Variants in DNAH9 observed in about 807,000 individuals in gnomAD.
The protein encoded by DNAH9 is dynein axonemal heavy chain 9.
DNAH9 carries 345 observed loss-of-function variants against 471.6 expected under a neutral mutation model. The observed-to-expected ratio is 0.73, with a 90% CI of 0.67 to 0.80. DNAH9 has a LOEUF of 0.80. Ranked by LOEUF, DNAH9 falls within the 30% of genes least tolerant of loss-of-function variation. DNAH9 has a pLI of 0.00. For synonymous variants in DNAH9, 2,093 were observed against 2,123.6 expected (o/e 0.99, Z 0.40); for missense variants, 5,407 against 5,609.2 (o/e 0.96, Z 1.15).
chr17:11,821,116 C>T (rs1970293383), intron 45 of DNAH9, among the ~76,000 whole-genome samples: 1 of 151,870 alleles, frequency 6.6e-6, no homozygotes, highest in Non-Finnish European at 1.5e-5. Context: ...AATTCTATCT[C>T]TACTAAAAAT....
Position 11,618,356 on chromosome 17 carries a change from G to A in DNAH9, c.1116+734G>A, listed in dbSNP as rs191678242. ...TAATCCCAGCATTTTGGGAGGCTGA[G>A]GCGGGCAGATCACGAGGTCAAGAGA... On this transcript the variant is annotated intron_variant, in intron 5 of 68. Coordinates refer to ENST00000262442, the MANE Select transcript of DNAH9 (RefSeq NM_001372.4). Among the ~76,000 whole-genome samples the A allele has an allele frequency of 1.1e-3, 174 of 152,258 alleles. 1 individual carries two copies. The highest frequency in any genetic ancestry group is 3.9e-3 in the African/African-American group (164 of 41,552).
chr17:11,714,433 G>C lies in DNAH9; in HGVS notation c.5553-4901G>C, dbSNP rs1017459085. 9.2e-5 allele frequency among the ~76,000 whole-genome samples: 14 copies of C among 152,142 alleles called. 1 individual carries two copies. Among genetic ancestry groups the C allele is most frequent in the Admixed American group, 2.0e-4 (3 of 15,274 alleles). ...TGAAGACATTAAACATCAGTGAGCTGAGTATGCCTCGGGGCCTCCCTGAAG... is the reference window on the plus strand; with the variant it reads ...TGAAGACATTAAACATCAGTGAGCTCAGTATGCCTCGGGGCCTCCCTGAAG... On this transcript the variant is annotated intron_variant, in intron 26 of 68. Coordinates refer to ENST00000262442, the MANE Select transcript of DNAH9 (RefSeq NM_001372.4).
chr17:11,895,161 A>G (rs1004042183), intron 59 of DNAH9, among the ~76,000 whole-genome samples: 3 of 152,176 alleles, frequency 2.0e-5, no homozygotes, highest in Non-Finnish European at 4.4e-5. Flanking sequence ...CTGGGATTCT[A>G]TGAGTGTTGA....
intron 17 of DNAH9, among the ~76,000 whole-genome samples, chr17:11,679,337 G>A (rs1463026136): frequency 1.3e-5 from 2 of 152,150 alleles, no homozygotes; most frequent in African/African-American, 4.8e-5. Flanking sequence ...ACAAAGCAAT[G>A]CTATCGCAAG....
chr17:11,678,151 G>T (rs997266171), intron 17 of DNAH9, among the ~76,000 whole-genome samples: 1 of 152,012 alleles, frequency 6.6e-6, no homozygotes, highest in East Asian at 1.9e-4. Flanking sequence ...TCTGCCTCCC[G>T]GATTCAAGTG....
At chr17:11,772,794 G>T (rs1440964640) in intron 38 of DNAH9, among the ~76,000 whole-genome samples, 2 of 152,148 alleles carry the variant, frequency 1.3e-5, no homozygotes, top group African/African-American at 4.8e-5. Context: ...AACCTCTCCT[G>T]TCCAGAGGCA....
At position 11,623,265 on chromosome 17, in the gene DNAH9, T is replaced by C. The variant is rs142597898; in HGVS notation, c.1350+3484T>C. ...CTGGGATTACAGGTGTGAGCCACCG[T>C]GCCCGGCCAGCATTTCTTTTCTTGA... On this transcript the variant is annotated intron_variant, in intron 6 of 68. Transcript: ENST00000262442. The surrounding 1 kb of genome is among the most constrained non-coding windows in gnomAD (Gnocchi z 4.1). Among the ~76,000 whole-genome samples, 78 of 152,162 alleles carry C rather than the reference T, an allele frequency of 5.1e-4. No homozygotes were observed. Among genetic ancestry groups the C allele is most frequent in the Non-Finnish European group, 9.0e-4 (61 of 67,990 alleles).
intron 4 of DNAH9, among the ~76,000 whole-genome samples, chr17:11,616,649 T>C (rs8072361): frequency 0.098 from 14,930 of 152,162 alleles, 1,385 homozygotes; most frequent in African/African-American, 0.24. Context: ...AACCTTGCCA[T>C]AACCCATCTA....
intron 61 of DNAH9, among the ~76,000 whole-genome samples, chr17:11,917,780 T>G (rs1327976510): frequency 1.3e-5 from 2 of 152,094 alleles, no homozygotes; most frequent in African/African-American, 4.8e-5. Context: ...GGTGCATCTG[T>G]TCTTTGGGGC....
At position 11,690,243 on chromosome 17, in the gene DNAH9, A is replaced by G. The variant is rs150408723; in HGVS notation, c.4421A>G (p.Asp1474Gly). ...GAGGACCTCATAGAGGTTCTGGAGG[A>G]TAATCAAGTTCAACTTCAGAACCTG... ...SDEDLIEVLE[D>G]NQVQLQNLVM... The change falls in exon 20 of 69, where the codon GAT becomes GGT. Residue 1474 changes from aspartate to glycine, a missense_variant. This residue lies in a region of DNAH9 where 4,636 missense variants were observed against 4,900.3 expected (regional missense o/e 0.95). Transcript: ENST00000262442. 1.1e-4 allele frequency: 173 copies of G among 1,614,210 alleles called. No homozygotes were observed. The African/African-American group carries it at 2.1e-3, about 19-fold the overall frequency.
In DNAH9 at chr17:11,693,888, C is replaced by A; in HGVS notation, c.4635C>A (p.Gly1545=). The A allele has an allele frequency of 6.2e-7, 1 of 1,614,076 alleles. No homozygotes were observed. The highest frequency in any genetic ancestry group is 8.5e-7 in the Non-Finnish European group (1 of 1,179,980). The change falls in exon 21 of 69, where the codon GGC becomes GGA. Residue 1545 remains glycine (G), a synonymous_variant. Transcript: ENST00000262442. ...TGCAGGATTCTAAAAGGTTTGAAGGCATCGACATTGACTTTAAAGAGCTAG... is the reference window on the plus strand; with the variant it reads ...TGCAGGATTCTAAAAGGTTTGAAGGAATCGACATTGACTTTAAAGAGCTAG... ...QLPQDSKRFE[G]IDIDFKELAY...
At chr17:11,818,265 C>T (rs907251027) in intron 45 of DNAH9, among the ~76,000 whole-genome samples, 5 of 152,054 alleles carry the variant, frequency 3.3e-5, no homozygotes, top group Non-Finnish European at 7.4e-5. Flanking sequence ...CCCGTCTGTA[C>T]TAAAAATACG....
chr17:11,724,254 C>G (rs77524889), intron 27 of DNAH9, among the ~76,000 whole-genome samples: 3,366 of 152,156 alleles, frequency 0.022, 60 homozygotes, highest in East Asian at 0.087. Context: ...TAATCATAGT[C>G]CCCTATTGTG....
At chr17:11,624,771 G>T (rs2072940339) in intron 6 of DNAH9, among the ~76,000 whole-genome samples, 1 of 151,856 alleles carries the variant, frequency 6.6e-6, no homozygotes. Context: ...CCACTTTCCT[G>T]GTTTGAGGAT....
chr17:11,902,630 T>C, intron 59 of DNAH9, 89 bp from the exon 60 acceptor site: 1 of 1,183,480 alleles, frequency 8.4e-7, no homozygotes, highest in Non-Finnish European at 1.2e-6. Flanking sequence ...ATTGTGTAGA[T>C]AAGACCATCT....
In DNAH9 at chr17:11,744,841, G is replaced by A. The variant is rs776235609; in HGVS notation, c.6156G>A (p.Val2052=). The part of the protein sequence containing the change: ...WGLRAIKSVL[V]VAGSLKRGDP... ...TACGGGCCATCAAGTCCGTGCTGGT[G>A]GTGGCAGGATCCCTGAAGAGAGGAG... Residue 2052 remains valine, a synonymous_variant, in exon 31 of 69, where the codon GTG becomes GTA. Transcript: ENST00000262442. The A allele has an allele frequency of 3.5e-5, 56 of 1,614,036 alleles. No homozygotes were observed. The highest frequency in any genetic ancestry group is 4.6e-5 in the Non-Finnish European group (54 of 1,180,002).
intron 6 of DNAH9, among the ~76,000 whole-genome samples, chr17:11,624,372 G>A (rs1029407018): frequency 2.0e-5 from 3 of 152,144 alleles, no homozygotes; most frequent in African/African-American, 7.2e-5. Flanking sequence ...AGCCGGGCAT[G>A]GCGGCATACC....
At chr17:11,658,583 A>G (rs2073697178) in intron 14 of DNAH9, among the ~76,000 whole-genome samples, 1 of 152,086 alleles carries the variant, frequency 6.6e-6, no homozygotes, top group African/African-American at 2.4e-5. Context: ...CTCATTTCCA[A>G]TTATATGGAG....
At chr17:11,807,669 A>AC in intron 43 of DNAH9, 63 bp from the exon 44 acceptor site, 1 of 1,542,672 alleles carries the variant, frequency 6.5e-7, no homozygotes, top group African/African-American at 1.4e-5. Context: ...TCAAGCCTTT[A>AC]TACATGCTTC....
Sources: gnomAD v4.1 joint callset for allele counts (sites outside exome capture counted in the v4.1 genomes callset) on GRCh38, gnomAD v4.1.1 for gene constraint, gnomAD v4.1.1 regional missense constraint, Gnocchi (gnomAD v3.1) non-coding constraint, MANE v1.5 for transcripts, NCBI Gene and HGNC (gene_info 2026-07-23, HGNC 2026-07-21) for gene names.